Variants in KIF13B observed in about 807,000 individuals in gnomAD.
KIF13B encodes kinesin family member 13B, also known as kinesin-like protein KIF13B.
In KIF13B, 127 loss-of-function variants were observed where a neutral mutation model predicts 222.0. That is an observed-to-expected ratio of 0.57 (90% CI 0.50 to 0.66). The LOEUF is 0.66. KIF13B is among the 30% of genes least tolerant of loss of function. The pLI is 0.00. For missense variants in KIF13B, 2,173 were observed against 2,379.0 expected, an observed-to-expected ratio of 0.91 and a Z score of 1.80; for synonymous variants, 976 against 919.0, an observed-to-expected ratio of 1.06 and a Z score of -1.12.
At position 29,070,803 on chromosome 8, in the gene KIF13B, G is replaced by T; in HGVS notation, c.5219-37C>A. On this transcript the variant is annotated intron_variant, in intron 39 of 39. Coordinates refer to ENST00000524189, the MANE Select transcript of KIF13B (RefSeq NM_015254.4). The surrounding 1 kb of genome is among the most constrained non-coding windows in gnomAD (Gnocchi z 4.1). ...GGAGAGGGTGATATGGAGGGCAGCC[G>T]AGCTGCAGACGGCCCCCTGCACCTC... is the stretch of plus-strand genomic sequence containing the variant. The T allele has an allele frequency of 6.4e-7, 1 of 1,573,284 alleles. No homozygotes were observed. The highest frequency in any genetic ancestry group is 8.6e-7 in the Non-Finnish European group (1 of 1,160,142).
intron 1 of KIF13B, chr8:29,250,138 C>T (rs1340189224): frequency 1.1e-6 from 1 of 908,802 alleles, no homozygotes; most frequent in African/African-American, 1.7e-5. Flanking sequence ...TGTGACTCAC[C>T]ACCCACCACA....
chr8:29,142,577 C>A lies in KIF13B; in HGVS notation c.2188-274G>T, dbSNP rs539704263. Among the ~76,000 whole-genome samples the A allele has an allele frequency of 5.3e-5, 8 of 152,192 alleles. No individual in the cohort carries two copies. In the East Asian group the frequency reaches 1.5e-3, roughly 29 times the overall value. The stretch of plus-strand genomic sequence containing the variant: ...GGGAGTTGCTGGGCATGGTGGTTCA[C>A]GCCTGTAATCCCAGCACTTTGGGAG... On this transcript the variant is annotated intron_variant, in intron 18 of 39. Transcript: ENST00000524189.
chr8:29,076,239 C>A (rs550307236), intron 37 of KIF13B, among the ~76,000 whole-genome samples: 1 of 152,328 alleles, frequency 6.6e-6, no homozygotes, highest in African/African-American at 2.4e-5. Context: ...CCCTCCCCCT[C>A]CCCCTACCCG....
At position 29,250,694 on chromosome 8, in the gene KIF13B, G is replaced by T. The variant is rs1417728881; in HGVS notation, c.56-5255C>A. ...GATAGTAAGAGAAGGCTTTTCAAAG[G>T]ACTGTTGAGAATATGTATACGGGCA... On this transcript the variant is annotated intron_variant, in intron 1 of 39. Coordinates refer to ENST00000524189, the MANE Select transcript of KIF13B (RefSeq NM_015254.4). Among the ~76,000 whole-genome samples, 3 of 152,164 alleles carry T rather than the reference G, an allele frequency of 2.0e-5. No homozygotes were observed. The East Asian group carries it at 5.8e-4, about 29-fold the overall frequency.
chr8:29,098,602 C>CAAA (rs202180136), intron 36 of KIF13B, among the ~76,000 whole-genome samples: 4 of 60,776 alleles, frequency 6.6e-5, no homozygotes, highest in Admixed American at 2.0e-4. Flanking sequence ...GACTCTGTCT[C>CAAA]AAAAAAAAAA....
In KIF13B at chr8:29,165,722, T is replaced by A. The variant is rs372741553; in HGVS notation, c.1209A>T (p.Leu403=). 20 of 1,613,804 alleles carry A rather than the reference T, an allele frequency of 1.2e-5. No homozygotes were observed. Among genetic ancestry groups the A allele is most frequent in the Non-Finnish European group, 1.6e-5 (19 of 1,179,816 alleles). ...LKDRLEESEK[L]IQEMTVTWEE... ...CCCAGGTCACAGTCATTTCCTGGAT[T>A]AGCTTCTCAGATTCTTCCAGCCGGT... The change falls in exon 12 of 40, where the codon CTA becomes CTT. Residue 403 remains leucine (L), a synonymous_variant. Coordinates refer to ENST00000524189, the MANE Select transcript of KIF13B (RefSeq NM_015254.4).
At chr8:29,101,731 C>G (rs1222334927) in intron 35 of KIF13B, among the ~76,000 whole-genome samples, 1 of 152,210 alleles carries the variant, frequency 6.6e-6, no homozygotes, top group East Asian at 1.9e-4. Context: ...ATGCTCCCCC[C>G]GCAACCCCAC....
chr8:29,106,339 A>G (rs1283053998), intron 35 of KIF13B, among the ~76,000 whole-genome samples: 2 of 152,158 alleles, frequency 1.3e-5, no homozygotes, highest in African/African-American at 4.8e-5. Flanking sequence ...CTAGATCTTA[A>G]AAGAGTCTAC....
intron 2 of KIF13B, among the ~76,000 whole-genome samples, chr8:29,205,789 AAATT>A (rs1365539199): frequency 2.0e-5 from 3 of 152,254 alleles, no homozygotes; most frequent in African/African-American, 7.2e-5. Flanking sequence ...TTGGTACTTC[AAATT>A]AAAAAGAGGC....
At chr8:29,193,028 C>T (rs1352876026) in intron 3 of KIF13B, among the ~76,000 whole-genome samples, 1 of 152,122 alleles carries the variant, frequency 6.6e-6, no homozygotes, top group Non-Finnish European at 1.5e-5. Context: ...CTGGCAGCAA[C>T]CGAGAGGACG....
At chr8:29,213,897 T>C (rs1191315926) in intron 2 of KIF13B, among the ~76,000 whole-genome samples, 4 of 151,794 alleles carry the variant, frequency 2.6e-5, no homozygotes, top group Non-Finnish European at 5.9e-5. Flanking sequence ...GAGGTTGCAG[T>C]GAGCCGAGAT....
upstream of KIF13B, among the ~76,000 whole-genome samples, chr8:29,263,283 T>C (rs972795924): frequency 2.0e-5 from 3 of 152,232 alleles, no homozygotes; most frequent in Non-Finnish European, 2.9e-5. Context: ...TGCTACAACT[T>C]ACCTACAGCA....
At chr8:29,089,966 C>T (rs1029663700) in intron 37 of KIF13B, among the ~76,000 whole-genome samples, 1 of 151,660 alleles carries the variant, frequency 6.6e-6, no homozygotes, top group Admixed American at 6.6e-5. Flanking sequence ...GGCTGTTCAA[C>T]AAAGCCCACT....
chr8:29,133,958 A>C, intron 22 of KIF13B, 82 bp downstream of exon 22: 1 of 1,322,114 alleles, frequency 7.6e-7, no homozygotes, highest in Admixed American at 2.3e-5. Flanking sequence ...CGGCACATTT[A>C]GTCAAAGAAA....
intron 32 of KIF13B, among the ~76,000 whole-genome samples, chr8:29,112,249 G>A (rs1351506475): frequency 5.3e-5 from 8 of 152,014 alleles, no homozygotes; most frequent in Non-Finnish European, 7.4e-5. Flanking sequence ...CCTGGCCAAC[G>A]TGGTGAAATC....
At position 29,222,515 on chromosome 8, in the gene KIF13B, C is replaced by CTTTTTTTTTTTT. The variant is rs58488862; in HGVS notation, c.149+22819_149+22830dup. 2.1e-4 allele frequency among the ~76,000 whole-genome samples: 13 copies of CTTTTTTTTTTTT among 60,590 alleles called. 1 individual carries two copies. Among genetic ancestry groups the CTTTTTTTTTTTT allele is most frequent in the East Asian group, 1.1e-3 (1 of 950 alleles). The allele number at this position is 60,590 out of a possible 152,430, so 39.7% of individuals were successfully genotyped here. On this transcript the variant is annotated intron_variant, in intron 2 of 39. Transcript: ENST00000524189. ...TCCTGAGCTCAAGTCCCACACCTGA[C>CTTTTTTTTTTTT]TTTTTTTTTTTTTTTTTTTTTTTTT...
intron 12 of KIF13B, among the ~76,000 whole-genome samples, chr8:29,161,579 C>G (rs545892205): frequency 1.3e-5 from 2 of 152,064 alleles, no homozygotes; most frequent in African/African-American, 4.8e-5. Flanking sequence ...GCCTGTAATC[C>G]CAGCTACTCG....
intron 12 of KIF13B, among the ~76,000 whole-genome samples, chr8:29,161,588 C>T (rs1322321489): frequency 2.0e-5 from 3 of 151,744 alleles, no homozygotes; most frequent in East Asian, 3.9e-4. Context: ...CCCAGCTACT[C>T]GGGAAGGTGA....
chr8:29,093,944 G>A (rs556026771), intron 36 of KIF13B, among the ~76,000 whole-genome samples: 1 of 152,244 alleles, frequency 6.6e-6, no homozygotes, highest in Non-Finnish European at 1.5e-5. Flanking sequence ...ATAGGGTTAA[G>A]ATGAATAAAG....
Sources: gnomAD v4.1 joint callset for allele counts (sites outside exome capture counted in the v4.1 genomes callset) on GRCh38, gnomAD v4.1.1 for gene constraint, Gnocchi (gnomAD v3.1) non-coding constraint, MANE v1.5 for transcripts, NCBI Gene and HGNC (gene_info 2026-07-23, HGNC 2026-07-21) for gene names.